Variants in CPT1A observed in about 807,000 individuals in gnomAD.
The protein encoded by CPT1A is carnitine O-palmitoyltransferase 1, liver isoform.
In CPT1A, 64 loss-of-function variants were observed where a neutral mutation model predicts 100.8. That is an observed-to-expected ratio of 0.63 (90% CI 0.52 to 0.78). The LOEUF is 0.78. Ranked by LOEUF, CPT1A falls within the 30% of genes least tolerant of loss-of-function variation. The pLI is 0.00. For missense variants in CPT1A, 802 were observed against 1,034.1 expected (o/e 0.78, Z 3.08); for synonymous variants, 363 against 396.0 (o/e 0.92, Z 0.99).
At chr11:68,802,913 A>G (rs1216909186) in intron 5 of CPT1A, among the ~76,000 whole-genome samples, 1 of 151,528 alleles carries the variant, frequency 6.6e-6, no homozygotes, top group Non-Finnish European at 1.5e-5. Context: ...AAAAAAAAAA[A>G]AAAAAAAGAA....
At chr11:68,772,806 T>G (rs1389663854) in intron 14 of CPT1A, among the ~76,000 whole-genome samples, 1 of 152,084 alleles carries the variant, frequency 6.6e-6, no homozygotes, top group African/African-American at 2.4e-5. Context: ...AAGCTTTTTA[T>G]TTTGTTCCCA....
At chr11:68,788,827 G>C (rs1436982971) in intron 9 of CPT1A, among the ~76,000 whole-genome samples, 1 of 152,058 alleles carries the variant, frequency 6.6e-6, no homozygotes, top group South Asian at 2.1e-4. Flanking sequence ...AAGGGAAAAG[G>C]GTATTTTATA....
At chr11:68,815,061 T>C (rs2924688) in intron 2 of CPT1A, among the ~76,000 whole-genome samples, 37 of 152,300 alleles carry the variant, frequency 2.4e-4, no homozygotes, top group African/African-American at 8.9e-4. Context: ...GTCTTTACTC[T>C]GCCTCCTATT....
chr11:68,790,358 AC>A (rs1489889523), intron 9 of CPT1A, among the ~76,000 whole-genome samples: 1 of 152,138 alleles, frequency 6.6e-6, no homozygotes, highest in African/African-American at 2.4e-5. Flanking sequence ...GGCATGAGCC[AC>A]CACATCTGGC....
intron 18 of CPT1A, among the ~76,000 whole-genome samples, chr11:68,759,201 C>T (rs1946752490): frequency 6.6e-6 from 1 of 151,938 alleles, no homozygotes; most frequent in Admixed American, 6.6e-5. Context: ...TGAGACCAGC[C>T]TGCCCAACAT....
chr11:68,834,254 T>C (rs1424216710), intron 1 of CPT1A, among the ~76,000 whole-genome samples: 2 of 152,026 alleles, frequency 1.3e-5, no homozygotes, highest in South Asian at 2.1e-4. Flanking sequence ...CTGGCCAACG[T>C]GGCAAAACCT....
intron 1 of CPT1A, among the ~76,000 whole-genome samples, chr11:68,839,337 C>A (rs1425013410): frequency 6.6e-6 from 1 of 152,222 alleles, no homozygotes; most frequent in Non-Finnish European, 1.5e-5. Flanking sequence ...CCAGCAACTG[C>A]GGCTTCGCGC....
chr11:68,763,814 T>A (rs1025678951), intron 14 of CPT1A, among the ~76,000 whole-genome samples: 1 of 151,998 alleles, frequency 6.6e-6, no homozygotes, highest in African/African-American at 2.4e-5. Context: ...GTTGAATGCT[T>A]TTTTTCCAGC....
intron 5 of CPT1A, among the ~76,000 whole-genome samples, chr11:68,803,153 C>T (rs891723525): frequency 6.6e-6 from 1 of 152,150 alleles, no homozygotes; most frequent in Non-Finnish European, 1.5e-5. Flanking sequence ...TATGGTCTAG[C>T]CATGCAATGG....
chr11:68,776,631 C>T (rs1855148227), intron 12 of CPT1A, among the ~76,000 whole-genome samples: 2 of 152,168 alleles, frequency 1.3e-5, no homozygotes, highest in Non-Finnish European at 2.9e-5. Flanking sequence ...GTAATCCTAG[C>T]ACTTTGGGAG....
At chr11:68,822,797 C>A (rs922864587) in intron 1 of CPT1A, among the ~76,000 whole-genome samples, 7 of 152,114 alleles carry the variant, frequency 4.6e-5, no homozygotes, top group African/African-American at 1.4e-4. Flanking sequence ...TGGATGGACC[C>A]TGAAGACGTG....
chr11:68,807,434 AC>A, intron 4 of CPT1A, 32 bp downstream of exon 4: 2 of 1,603,504 alleles, frequency 1.2e-6, no homozygotes, highest in Non-Finnish European at 1.7e-6. Flanking sequence ...CAAACTGTCC[AC>A]CCCCTCCACA....
intron 1 of CPT1A, among the ~76,000 whole-genome samples, chr11:68,817,130 T>C (rs1856446287): frequency 7.3e-6 from 1 of 137,442 alleles, no homozygotes. Flanking sequence ...TGGTGATGTG[T>C]GGTTGTGTGG....
intron 9 of CPT1A, among the ~76,000 whole-genome samples, chr11:68,787,032 CAAGT>C (rs1229883849): frequency 6.6e-6 from 1 of 152,044 alleles, no homozygotes; most frequent in South Asian, 2.1e-4. Flanking sequence ...AAATAAGAAA[CAAGT>C]AAAAGATAAA....
At chr11:68,783,271 C>A (rs1171075539) in intron 10 of CPT1A, among the ~76,000 whole-genome samples, 2 of 151,848 alleles carry the variant, frequency 1.3e-5, no homozygotes, top group South Asian at 4.2e-4. Context: ...CCTACTCATG[C>A]ACCCCCGGCC....
At chr11:68,821,413 A>T (rs1353516336) in intron 1 of CPT1A, among the ~76,000 whole-genome samples, 1 of 152,152 alleles carries the variant, frequency 6.6e-6, no homozygotes, top group Non-Finnish European at 1.5e-5. Context: ...TCAGCCTCCC[A>T]AAGTGCTGGG....
intron 10 of CPT1A, among the ~76,000 whole-genome samples, chr11:68,784,529 G>A (rs900408244): frequency 6.6e-5 from 10 of 151,276 alleles, no homozygotes; most frequent in East Asian, 1.9e-4. Context: ...GCGAGACTTC[G>A]TCTCAAAAAA....
intron 3 of CPT1A, among the ~76,000 whole-genome samples, chr11:68,811,965 A>G (rs1186339188): frequency 6.6e-6 from 1 of 152,000 alleles, no homozygotes; most frequent in Non-Finnish European, 1.5e-5. Flanking sequence ...GTCCCTGGAG[A>G]TTTCTAAACC....
In CPT1A at chr11:68,762,646, AT is replaced by A. The variant is rs1162831950; in HGVS notation, c.1855del (p.Met619TrpfsTer12). ...CATTACCGTCTGGGCCGGGTCCACC[AT>A]GGCCCGCACGAAGTCGCATGACTCA... ...TTESCDFVRAMVDPAQTVEQR... is the reference protein window; with the variant it reads ...TTESCDFVRAXVDPAQTVEQR... On this transcript the variant is annotated frameshift_variant, in exon 15 of 19. Transcript: ENST00000265641. LOFTEE classifies it high-confidence loss of function. The A allele has an allele frequency of 5.0e-6, 8 of 1,613,798 alleles. No individual in the cohort carries two copies. The highest frequency in any genetic ancestry group is 6.8e-6 in the Non-Finnish European group (8 of 1,180,022).
Sources: gnomAD v4.1 joint callset for allele counts (sites outside exome capture counted in the v4.1 genomes callset) on GRCh38, gnomAD v4.1.1 for gene constraint, MANE v1.5 for transcripts, NCBI Gene and HGNC (gene_info 2026-07-23, HGNC 2026-07-21) for gene names.